The following MCTP2 variants were observed in gnomAD, a reference collection of about 807,000 sequenced individuals.
The protein encoded by MCTP2 is multiple C2 and transmembrane domain containing 2, also known as multiple C2 and transmembrane domain-containing protein 2.
MCTP2 carries 132 observed loss-of-function variants against 111.6 expected under a neutral mutation model. That is an observed-to-expected ratio of 1.18 (90% CI 1.03 to 1.37). MCTP2 has a LOEUF of 1.37. Among genes scored for constraint, MCTP2 ranks in the 40% most tolerant of loss-of-function variants. The pLI is 0.00. For missense variants in MCTP2, 1,183 were observed against 1,067.9 expected (o/e 1.11, Z -1.50); for synonymous variants, 395 against 387.7 (o/e 1.02, Z -0.22).
At chr15:94,263,109 A>G (rs374472891) in intron 1 of MCTP2, among the ~76,000 whole-genome samples, 4 of 152,256 alleles carry the variant, frequency 2.6e-5, no homozygotes, top group African/African-American at 9.6e-5. Context: ...AGTCAGACTC[A>G]TGACTTTATA....
chr15:94,250,525 C>T (rs2072339031), intron 1 of MCTP2, among the ~76,000 whole-genome samples: 1 of 152,276 alleles, frequency 6.6e-6, no homozygotes, highest in South Asian at 2.1e-4. Context: ...CACCTGGCTC[C>T]TCAAAGAGCT....
chr15:94,255,865 A>G (rs933019140), intron 1 of MCTP2, among the ~76,000 whole-genome samples: 8 of 152,232 alleles, frequency 5.3e-5, no homozygotes, highest in Non-Finnish European at 1.5e-5. Flanking sequence ...TTTAGCAACT[A>G]TGGAATGCTC....
intron 1 of MCTP2, among the ~76,000 whole-genome samples, chr15:94,286,630 T>C (rs1041534658): frequency 1.3e-5 from 2 of 152,232 alleles, no homozygotes; most frequent in African/African-American, 4.8e-5. Context: ...GAGAACCTCT[T>C]TCCTACCTTG....
chr15:94,362,225 C>T (rs75614487), intron 10 of MCTP2, among the ~76,000 whole-genome samples: 11 of 152,194 alleles, frequency 7.2e-5, no homozygotes, highest in South Asian at 4.2e-4. Context: ...TAAGTTTAAC[C>T]GGCTCCAACT....
chr15:94,370,204 A>G, intron 12 of MCTP2, 24 bp downstream of exon 12: 1 of 1,548,200 alleles, frequency 6.5e-7, no homozygotes, highest in Non-Finnish European at 8.8e-7. Flanking sequence ...TCATTTTCTA[A>G]TTTATCTTTA....
chr15:94,361,890 C>T (rs988035508), intron 10 of MCTP2, among the ~76,000 whole-genome samples: 1 of 152,144 alleles, frequency 6.6e-6, no homozygotes, highest in African/African-American at 2.4e-5. Flanking sequence ...AGAGAAATCA[C>T]ATTGGCATGG....
At chr15:94,438,255 A>G (rs1271204798) in intron 17 of MCTP2, among the ~76,000 whole-genome samples, 2 of 152,154 alleles carry the variant, frequency 1.3e-5, no homozygotes, top group Non-Finnish European at 2.9e-5. Context: ...CGTGAAAAGA[A>G]CTATAAAACA....
intron 1 of MCTP2, among the ~76,000 whole-genome samples, chr15:94,281,876 A>G (rs1169579766): frequency 2.0e-5 from 3 of 152,080 alleles, no homozygotes; most frequent in African/African-American, 7.2e-5. Flanking sequence ...TATACTGAAT[A>G]TAGGCCCGCA....
At chr15:94,345,278 T>G in intron 8 of MCTP2, 114 bp downstream of exon 8, 1 of 1,007,462 alleles carries the variant, frequency 9.9e-7, no homozygotes, top group Non-Finnish European at 1.5e-6. Context: ...CAGAATTCTT[T>G]TCCTCTTACT....
At chr15:94,419,703 G>A (rs2082535935) in intron 17 of MCTP2, among the ~76,000 whole-genome samples, 1 of 151,792 alleles carries the variant, frequency 6.6e-6, no homozygotes, top group African/African-American at 2.4e-5. Context: ...ACATTATATA[G>A]GCAGGCATCC....
In MCTP2 at chr15:94,242,975, C is replaced by A. The variant is rs1195584079; in HGVS notation, c.-66+11311C>A. Reference sequence around the variant, plus strand: ...CACATATACACGTGTATATGTGTATCTACACATACACGTGTATATGTGTAT... The same window carrying A: ...CACATATACACGTGTATATGTGTATATACACATACACGTGTATATGTGTAT... On this transcript the variant is annotated intron_variant, in intron 1 of 22. Coordinates refer to ENST00000357742, the MANE Select transcript of MCTP2 (RefSeq NM_001385001.1). 3.2e-4 allele frequency among the ~76,000 whole-genome samples: 31 copies of A among 95,982 alleles called. No homozygotes were observed. In the East Asian group the frequency reaches 4.3e-3, roughly 13 times the overall value. 63.0% of individuals were successfully genotyped at this position (95,982 alleles called of 152,430 possible). A position where few individuals can be genotyped will look rare whatever the true frequency, so the allele number is the denominator to read the frequency against.
chr15:94,329,054 G>T (rs2077020290), intron 4 of MCTP2, among the ~76,000 whole-genome samples: 1 of 152,150 alleles, frequency 6.6e-6, no homozygotes, highest in African/African-American at 2.4e-5. Context: ...CCAGCACAAG[G>T]CAGAAGCTGC....
At position 94,401,999 on chromosome 15, in the gene MCTP2, A is replaced by G. The variant is rs1485118386; in HGVS notation, c.2065A>G (p.Arg689Gly). The G allele has an allele frequency of 1.2e-6, 2 of 1,613,520 alleles. No individual in the cohort carries two copies. The highest frequency in any genetic ancestry group is 1.7e-6 in the Non-Finnish European group (2 of 1,179,736). ...KSCFQWESTL[R>G]STIAFAVFLI... Reference sequence around the variant, plus strand: ...CTGCTTCCAGTGGGAATCCACATTAAGAAGTACAATAGCATTCGCGGTAAG... The same window carrying G: ...CTGCTTCCAGTGGGAATCCACATTAGGAAGTACAATAGCATTCGCGGTAAG... The change falls in exon 17 of 23, where the codon AGA becomes GGA. Residue 689 changes from arginine (R) to glycine (G), a missense_variant. Coordinates refer to ENST00000357742, the MANE Select transcript of MCTP2 (RefSeq NM_001385001.1).
At chr15:94,416,908 G>A (rs1359270253) in intron 17 of MCTP2, among the ~76,000 whole-genome samples, 2 of 152,060 alleles carry the variant, frequency 1.3e-5, no homozygotes, top group African/African-American at 2.4e-5. Flanking sequence ...CCACTACCCC[G>A]AAGGCTGTTT....
intron 17 of MCTP2, among the ~76,000 whole-genome samples, chr15:94,430,340 G>A (rs1184507098): frequency 6.8e-6 from 1 of 146,800 alleles, no homozygotes; most frequent in East Asian, 2.0e-4. Context: ...TCAGACACAA[G>A]GAGTCCATGC....
At chr15:94,283,376 G>T (rs1166736882) in intron 1 of MCTP2, among the ~76,000 whole-genome samples, 1 of 150,516 alleles carries the variant, frequency 6.6e-6, no homozygotes, top group Admixed American at 6.6e-5. Context: ...GGCTTTCATG[G>T]CCATGCTCCA....
intron 1 of MCTP2, among the ~76,000 whole-genome samples, chr15:94,243,234 TACAC>T (rs2071203587): frequency 6.7e-6 from 1 of 149,364 alleles, no homozygotes. Flanking sequence ...TATGCGTACA[TACAC>T]ATGCGTATAT....
At chr15:94,355,553 C>T (rs1295496474) in intron 8 of MCTP2, among the ~76,000 whole-genome samples, 3 of 152,060 alleles carry the variant, frequency 2.0e-5, no homozygotes, top group East Asian at 3.9e-4. Context: ...GCTTTATACG[C>T]CCCCTTCCCT....
In MCTP2 at chr15:94,325,806, G is replaced by A. The variant is rs552017416; in HGVS notation, c.637+10169G>A. Among the ~76,000 whole-genome samples, 9 of 113,274 alleles carry A rather than the reference G, an allele frequency of 7.9e-5. No homozygotes were observed. In the South Asian group the frequency reaches 8.3e-4, roughly 10 times the overall value. 74.3% of individuals were successfully genotyped at this position (113,274 alleles called of 152,430 possible). A position where few individuals can be genotyped will look rare whatever the true frequency, so the allele number is the denominator to read the frequency against. On this transcript the variant is annotated intron_variant, in intron 4 of 22. Transcript: ENST00000357742. ...AATTCTGAACCTACTCTACTCCATC[G>A]CTCCGATTTTTTTTTTTTTTTTTTT...
Sources: gnomAD v4.1 joint callset for allele counts (sites outside exome capture counted in the v4.1 genomes callset) on GRCh38, gnomAD v4.1.1 for gene constraint, MANE v1.5 for transcripts, NCBI Gene and HGNC (gene_info 2026-07-23, HGNC 2026-07-21) for gene names.